NAALADL2: variants seen among roughly 807,000 people sequenced by gnomAD.
NAALADL2 encodes the protein N-acetylated alpha-linked acidic dipeptidase like 2, also known as inactive N-acetylated-alpha-linked acidic dipeptidase-like protein 2.
Under a neutral mutation model 87.2 loss-of-function variants are expected in NAALADL2, and 76 were observed. That is an observed-to-expected ratio of 0.87 (90% CI 0.72 to 1.05). The LOEUF (loss-of-function observed/expected upper bound fraction) is 1.05. Ranked by LOEUF, NAALADL2 falls within the 50% of genes least tolerant of loss-of-function variation. The pLI is 0.00. For synonymous variants in NAALADL2, 354 were observed against 331.0 expected (o/e 1.07, Z -0.75); for missense variants, 1,089 against 945.8 (o/e 1.15, Z -1.99).
rs192226847 is a variant in NAALADL2, at chr3:175,793,161, C to G, written c.2190-9844C>G. On this transcript the variant is annotated intron_variant, in intron 13 of 13. Coordinates refer to ENST00000454872, the MANE Select transcript of NAALADL2 (RefSeq NM_207015.3). ...TTAAATTCATACCATGGGGAACTAC[C>G]TCTGGAACTTTTCTCCTAAACAATA... 2.8e-3 allele frequency among the ~76,000 whole-genome samples: 430 copies of G among 152,228 alleles called. 1 individual carries two copies. Among genetic ancestry groups the G allele is most frequent in the Middle Eastern group, 0.014 (4 of 294 alleles).
chr3:175,674,873 C>T (rs1366494588), intron 11 of NAALADL2, among the ~76,000 whole-genome samples: 4 of 152,084 alleles, frequency 2.6e-5, no homozygotes, highest in South Asian at 4.2e-4. Flanking sequence ...ACTGTATTTT[C>T]GAGTACGAAA....
At chr3:174,488,614 C>T (rs1421259604) in intron 1 of NAALADL2, among the ~76,000 whole-genome samples, 1 of 152,002 alleles carries the variant, frequency 6.6e-6, no homozygotes, top group East Asian at 1.9e-4. Flanking sequence ...CATATCTTGG[C>T]TATCTGGGAT....
In NAALADL2 at chr3:174,626,453, AT is replaced by A. The variant is rs531844381; in HGVS notation, c.-115+75822del. ...ACTTACCTATTTATGCCTTTGCTTA[AT>A]TTTTTATTAGTATGTTGGGTTTTCA... On this transcript the variant is annotated intron_variant, in intron 2 of 3. Coordinates refer to the NAALADL2 transcript ENST00000434257. Among the ~76,000 whole-genome samples, 809 of 152,094 alleles carry A rather than the reference AT, an allele frequency of 5.3e-3. 7 individuals are homozygous for A. Among genetic ancestry groups the A allele is most frequent in the African/African-American group, 0.019 (776 of 41,544 alleles).
At chr3:175,759,449 C>A (rs1413131483) in intron 13 of NAALADL2, among the ~76,000 whole-genome samples, 2 of 151,860 alleles carry the variant, frequency 1.3e-5, no homozygotes, top group African/African-American at 2.4e-5. Flanking sequence ...CCTCCACCTC[C>A]GGGGTTCAAG....
At chr3:175,745,199 T>A (rs1321294232) in intron 12 of NAALADL2, among the ~76,000 whole-genome samples, 1 of 152,178 alleles carries the variant, frequency 6.6e-6, no homozygotes, top group East Asian at 1.9e-4. Context: ...TTTGGGTTGA[T>A]TTATTGGATG....
At chr3:175,206,974 C>T (rs947293104) in intron 2 of NAALADL2, among the ~76,000 whole-genome samples, 4 of 152,130 alleles carry the variant, frequency 2.6e-5, no homozygotes. Flanking sequence ...GAATATGTCA[C>T]ACTGGATGCT....
intron 13 of NAALADL2, among the ~76,000 whole-genome samples, chr3:175,762,329 C>T (rs1748141431): frequency 6.6e-6 from 1 of 151,274 alleles, no homozygotes; most frequent in Non-Finnish European, 1.5e-5. Context: ...CATCTCACTT[C>T]TCCACATTAG....
chr3:175,367,902 A>G (rs1765861314), intron 5 of NAALADL2, among the ~76,000 whole-genome samples: 1 of 152,048 alleles, frequency 6.6e-6, no homozygotes, highest in East Asian at 1.9e-4. Context: ...GTTGAATAGG[A>G]GAGGTGAGAG....
intron 4 of NAALADL2, among the ~76,000 whole-genome samples, chr3:175,282,364 A>T (rs537879384): frequency 6.6e-6 from 1 of 152,100 alleles, no homozygotes; most frequent in East Asian, 1.9e-4. Flanking sequence ...AGAACACTTA[A>T]CAGACTACAG....
At chr3:175,490,379 T>TTTG (rs148298535) in intron 9 of NAALADL2, among the ~76,000 whole-genome samples, 1,751 of 152,142 alleles carry the variant, frequency 0.012, 36 homozygotes, top group African/African-American at 0.041. Flanking sequence ...TATTTGTTTT[T>TTTG]TTGTTGTTGT....
At chr3:175,602,026 A>G (rs1267857474) in intron 10 of NAALADL2, among the ~76,000 whole-genome samples, 2 of 152,172 alleles carry the variant, frequency 1.3e-5, no homozygotes, top group Admixed American at 6.5e-5. Flanking sequence ...AGGTATTAAT[A>G]CATATACTTT....
chr3:175,281,711 G>A (rs1483914022), intron 4 of NAALADL2, among the ~76,000 whole-genome samples: 1 of 151,754 alleles, frequency 6.6e-6, no homozygotes, highest in African/African-American at 2.4e-5. Context: ...CTTCAAGAAG[G>A]CTTCATTTAT....
chr3:174,860,755 T>G (rs1308967581), intron 1 of NAALADL2, among the ~76,000 whole-genome samples: 1 of 152,068 alleles, frequency 6.6e-6, no homozygotes, highest in Admixed American at 6.6e-5. Flanking sequence ...TATCCCTCTT[T>G]GTGTTAGGAT....
intron 2 of NAALADL2, among the ~76,000 whole-genome samples, chr3:174,706,250 T>C (rs1282697110): frequency 1.3e-5 from 2 of 152,150 alleles, no homozygotes; most frequent in African/African-American, 4.8e-5. Flanking sequence ...TAAATATCCA[T>C]GTGCAGAAGA....
At chr3:175,725,946 A>C (rs1329502993) in intron 11 of NAALADL2, among the ~76,000 whole-genome samples, 1 of 152,156 alleles carries the variant, frequency 6.6e-6, no homozygotes, top group Non-Finnish European at 1.5e-5. Context: ...AAGATTCTTA[A>C]TTTGTCAATC....
chr3:174,812,538 ACTT>A (rs1299578822), intron 3 of NAALADL2, among the ~76,000 whole-genome samples: 2 of 152,172 alleles, frequency 1.3e-5, no homozygotes, highest in African/African-American at 2.4e-5. Context: ...TGTAGCGTAT[ACTT>A]CTTCTACTTA....
chr3:175,375,888 C>T (rs1197154957), intron 5 of NAALADL2, among the ~76,000 whole-genome samples: 1 of 151,860 alleles, frequency 6.6e-6, no homozygotes, highest in Non-Finnish European at 1.5e-5. Context: ...ATTTTACCTC[C>T]TCTATTGACA....
intron 1 of NAALADL2, among the ~76,000 whole-genome samples, chr3:174,961,207 C>T (rs1262219866): frequency 2.7e-5 from 4 of 150,626 alleles, no homozygotes; most frequent in Non-Finnish European, 4.4e-5. Context: ...TGGTCTCAAA[C>T]TTCTGTCTTC....
intron 1 of NAALADL2, chr3:174,864,135 A>C (rs905018409): frequency 2.2e-6 from 1 of 450,118 alleles, no homozygotes; most frequent in African/African-American, 2.0e-5. Context: ...GTGCATGTGA[A>C]GATGGACTGG....
Sources: gnomAD v4.1 joint callset for allele counts (sites outside exome capture counted in the v4.1 genomes callset) on GRCh38, gnomAD v4.1.1 for gene constraint, MANE v1.5 for transcripts, NCBI Gene and HGNC (gene_info 2026-07-23, HGNC 2026-07-21) for gene names.